Variants in CSMD1 observed in about 807,000 individuals in gnomAD.
CSMD1 encodes CUB and Sushi multiple domains 1.
In CSMD1, 213 loss-of-function variants were observed where a neutral mutation model predicts 417.5. The ratio of observed to expected loss-of-function variants is 0.51; its 90% CI spans 0.46 to 0.57. The LOEUF (loss-of-function observed/expected upper bound fraction) is 0.57. Ranked by LOEUF, CSMD1 falls within the 20% of genes least tolerant of loss-of-function variation. The pLI is 0.00. For synonymous variants in CSMD1, 2,862 were observed against 1,736.8 expected (o/e 1.65, Z -16.11); for missense variants, 6,923 against 4,529.7 (o/e 1.53, Z -15.17).
chr8:3,909,356 G>A (rs1375150656), intron 5 of CSMD1, among the ~76,000 whole-genome samples: 2 of 152,100 alleles, frequency 1.3e-5, no homozygotes, highest in African/African-American at 2.4e-5. Context: ...ATGCCAGTCT[G>A]ACTCACATTC....
Position 3,138,066 on chromosome 8 carries a change from A to G in CSMD1, c.6241+4399T>C, listed in dbSNP as rs192806644. 1.9e-3 allele frequency among the ~76,000 whole-genome samples: 295 copies of G among 151,844 alleles called. 1 individual carries two copies. Among genetic ancestry groups the G allele is most frequent in the African/African-American group, 7.0e-3 (287 of 41,178 alleles). ...ATGGGTGAAACCCTGTCTCTACTAA[A>G]AATAAAAAAATTAGCCAGGCATGGT... On this transcript the variant is annotated intron_variant, in intron 41 of 69. Coordinates refer to ENST00000635120, the MANE Select transcript of CSMD1 (RefSeq NM_033225.6).
intron 5 of CSMD1, among the ~76,000 whole-genome samples, chr8:3,760,263 T>C (rs748785420): frequency 1.7e-4 from 26 of 152,324 alleles, no homozygotes; most frequent in Admixed American, 3.9e-4. Flanking sequence ...GAACTGGTTG[T>C]TCCCACTTTT....
intron 5 of CSMD1, among the ~76,000 whole-genome samples, chr8:3,918,938 CG>C (rs139657988): frequency 0.35 from 53,587 of 151,594 alleles, 9,798 homozygotes; most frequent in East Asian, 0.46. Flanking sequence ...GTGGGCTGCT[CG>C]GGTGATGGGT....
chr8:3,884,060 G>A (rs565107442), intron 5 of CSMD1, among the ~76,000 whole-genome samples: 4 of 152,208 alleles, frequency 2.6e-5, no homozygotes, highest in African/African-American at 9.6e-5. Context: ...CTCTATCAGT[G>A]TTTCAAAATC....
intron 10 of CSMD1, among the ~76,000 whole-genome samples, chr8:3,521,496 C>T (rs1205125561): frequency 1.3e-5 from 2 of 152,088 alleles, no homozygotes; most frequent in African/African-American, 2.4e-5. Context: ...GTGGTCATGC[C>T]GGTCCCTGTA....
At chr8:4,886,950 C>T (rs1246795446) in intron 1 of CSMD1, among the ~76,000 whole-genome samples, 1 of 151,854 alleles carries the variant, frequency 6.6e-6, no homozygotes, top group Non-Finnish European at 1.5e-5. Context: ...CACTCATTTT[C>T]TGTGTTTTCT....
intron 5 of CSMD1, among the ~76,000 whole-genome samples, chr8:3,957,973 A>T (rs1260574027): frequency 6.6e-6 from 1 of 152,178 alleles, no homozygotes; most frequent in Non-Finnish European, 1.5e-5. Context: ...AAATATTTTT[A>T]CTTTCTTTTT....
intron 10 of CSMD1, among the ~76,000 whole-genome samples, chr8:3,500,213 C>G (rs563960301): frequency 6.6e-6 from 1 of 152,256 alleles, no homozygotes; most frequent in South Asian, 2.1e-4. Context: ...CAGTGTTCTC[C>G]CCTAGACACT....
chr8:4,448,140 G>T (rs1798926393), intron 2 of CSMD1, among the ~76,000 whole-genome samples: 1 of 152,086 alleles, frequency 6.6e-6, no homozygotes, highest in African/African-American at 2.4e-5. Flanking sequence ...TTACCAATGT[G>T]TATCGCTCGT....
At chr8:4,562,682 T>C (rs1798400157) in intron 2 of CSMD1, among the ~76,000 whole-genome samples, 1 of 152,170 alleles carries the variant, frequency 6.6e-6, no homozygotes, top group African/African-American at 2.4e-5. Context: ...GTCACGCCAC[T>C]GGTGTTCAGG....
intron 2 of CSMD1, among the ~76,000 whole-genome samples, chr8:4,559,335 T>G (rs1798227731): frequency 6.6e-6 from 1 of 152,192 alleles, no homozygotes; most frequent in African/African-American, 2.4e-5. Flanking sequence ...AATTTTCAGT[T>G]TTCTGTTTCC....
rs142432177 is a variant in CSMD1 at position 4,344,889 on chromosome 8, G to C, written c.415+75064C>G. On this transcript the variant is annotated intron_variant, in intron 3 of 69. Coordinates refer to ENST00000635120, the MANE Select transcript of CSMD1 (RefSeq NM_033225.6). ...CTAGCGATAAGGACAACTCAAATAC[G>C]TCATGGACAAGAACAGGCACTATGC... Among the ~76,000 whole-genome samples, 16 of 152,190 alleles carry C rather than the reference G, an allele frequency of 1.1e-4. No homozygotes were observed. In the East Asian group the frequency reaches 3.1e-3, roughly 29 times the overall value.
chr8:3,530,047 C>T (rs1720796373), intron 10 of CSMD1, among the ~76,000 whole-genome samples: 1 of 152,128 alleles, frequency 6.6e-6, no homozygotes, highest in South Asian at 2.1e-4. Flanking sequence ...AGTATACATG[C>T]TAAATGCTCA....
intron 4 of CSMD1, among the ~76,000 whole-genome samples, chr8:3,999,766 C>A (rs922872041): frequency 1.3e-5 from 2 of 152,134 alleles, no homozygotes; most frequent in African/African-American, 4.8e-5. Flanking sequence ...AGGAAAATTA[C>A]TACCTTCAAG....
chr8:4,299,170 C>A (rs887412232), intron 3 of CSMD1, among the ~76,000 whole-genome samples: 2 of 151,902 alleles, frequency 1.3e-5, no homozygotes, highest in Admixed American at 6.6e-5. Context: ...AAAAAAGAAA[C>A]GTTGTAAGAA....
chr8:4,962,928 G>T (rs971852589), intron 1 of CSMD1, among the ~76,000 whole-genome samples: 1 of 152,160 alleles, frequency 6.6e-6, no homozygotes, highest in Admixed American at 6.5e-5. Flanking sequence ...AGTAAAGCAG[G>T]ATGAGAGATG....
chr8:3,146,561 C>T (rs956786168), intron 40 of CSMD1, among the ~76,000 whole-genome samples: 1 of 152,146 alleles, frequency 6.6e-6, no homozygotes, highest in Non-Finnish European at 1.5e-5. Context: ...AAGATTTCTA[C>T]TCAGCTAAAC....
intron 1 of CSMD1, among the ~76,000 whole-genome samples, chr8:4,715,437 A>C (rs1484141296): frequency 2.0e-5 from 3 of 152,190 alleles, no homozygotes. Context: ...CTATTTACCC[A>C]TTCCCTTGAC....
At position 4,438,753 on chromosome 8, in the gene CSMD1, G is replaced by T. The variant is rs150088161; in HGVS notation, c.303-18688C>A. Among the ~76,000 whole-genome samples, 31 of 152,304 alleles carry T rather than the reference G, an allele frequency of 2.0e-4. No homozygotes were observed. In the East Asian group the frequency reaches 5.8e-3, roughly 28 times the overall value. ...CCTGCAAATATTTGGTTACAAATGAGTCCAAACCATGTGCCCTGAATCACA... is the reference window on the plus strand; with the variant it reads ...CCTGCAAATATTTGGTTACAAATGATTCCAAACCATGTGCCCTGAATCACA... On this transcript the variant is annotated intron_variant, in intron 2 of 69. Coordinates refer to ENST00000635120, the MANE Select transcript of CSMD1 (RefSeq NM_033225.6).
Sources: allele counts gnomAD v4.1 joint callset (sites outside exome capture counted in the v4.1 genomes callset), GRCh38; gene constraint gnomAD v4.1.1; transcripts MANE v1.5; gene names NCBI Gene and HGNC (gene_info 2026-07-23, HGNC 2026-07-21).